Variants in SUPT6H observed in about 807,000 individuals in gnomAD.
The protein encoded by SUPT6H is SPT6 homolog, histone chaperone and transcription elongation factor.
Under a neutral mutation model 222.3 loss-of-function variants are expected in SUPT6H, and 11 were observed. The ratio of observed to expected loss-of-function variants is 0.05; its 90% CI spans 0.03 to 0.08. The LOEUF is 0.08. Among genes scored for constraint, SUPT6H ranks in the 10% least tolerant of loss-of-function variants. SUPT6H has a pLI of 1.00. For synonymous variants in SUPT6H, 762 were observed against 801.2 expected (o/e 0.95, Z 0.83); for missense variants, 1,422 against 2,216.0 (o/e 0.64, Z 7.19).
chr17:28,687,088 G>C lies in SUPT6H; in HGVS notation c.2701G>C (p.Ala901Pro). 1.9e-6 allele frequency: 3 copies of C among 1,613,000 alleles called. No individual in the cohort carries two copies. Among genetic ancestry groups the C allele is most frequent in the Non-Finnish European group, 2.5e-6 (3 of 1,179,978 alleles). ...CCTGCTGACCCTCGTTTGACTCTAG[G>C]CAGAGTTCCGGGATTATCCTCCAGT... is the stretch of plus-strand genomic sequence containing the variant. ...ILYMNSKKSE[A>P]EFRDYPPVLR... Residue 901 changes from alanine (A) to proline (P), a missense_variant and splice_region_variant, in exon 22 of 37, where the codon GCA becomes CCA. Ala to Pro is a conservative substitution (Grantham distance 27). This residue lies in a region of SUPT6H where 294 missense variants were observed against 382.1 expected (regional missense o/e 0.77). Coordinates refer to ENST00000314616, the MANE Select transcript of SUPT6H (RefSeq NM_003170.5).
At chr17:28,679,993 A>G (rs1287346026) in intron 11 of SUPT6H, among the ~76,000 whole-genome samples, 1 of 87,764 alleles carries the variant, frequency 1.1e-5, no homozygotes, top group Admixed American at 1.3e-4. Context: ...TCCATCTCAA[A>G]AAAAAAAAAA....
Position 28,688,080 on chromosome 17 carries a change from C to T in SUPT6H, c.3007-11C>T, listed in dbSNP as rs563016473. ...CTTACTGCCCTGGCTCAGTCCAGCT[C>T]TCTCCCCCAGATCCTGAAGCAGAAC... On this transcript the variant is annotated splice_polypyrimidine_tract_variant and intron_variant, in intron 23 of 36. Transcript: ENST00000314616. The surrounding 1 kb of genome is among the most constrained non-coding windows in gnomAD (Gnocchi z 4.3). 5.6e-6 allele frequency: 9 copies of T among 1,607,144 alleles called. No individual in the cohort carries two copies. The African/African-American group carries it at 9.4e-5, about 17-fold the overall frequency.
chr17:28,675,131 A>AGAG lies in SUPT6H; in HGVS notation c.516_518dup (p.Glu174dup). 1.2e-6 allele frequency: 2 copies of AGAG among 1,612,292 alleles called. No individual in the cohort carries two copies. Among genetic ancestry groups the AGAG allele is most frequent in the Non-Finnish European group, 1.7e-6 (2 of 1,179,558 alleles). ...CCATGGAGGCCCCCATGGCTCCTCCAGAGGAGGAGGAAGAAGATGATGAGG... is the reference window on the plus strand; with the variant it reads ...CCATGGAGGCCCCCATGGCTCCTCCAGAGGAGGAGGAGGAAGAAGATGATGAGG... On this transcript the variant is annotated inframe_insertion, in exon 5 of 37. Transcript: ENST00000314616.
chr17:28,678,941 C>G lies in SUPT6H; in HGVS notation c.1327C>G (p.Leu443Val). 2 of 1,614,196 alleles carry G rather than the reference C, an allele frequency of 1.2e-6. No homozygotes were observed. Among genetic ancestry groups the G allele is most frequent in the Non-Finnish European group, 1.7e-6 (2 of 1,180,048 alleles). The change falls in exon 11 of 37, where the codon CTG (leucine) becomes GTG (valine). Residue 443 changes from leucine (L) to valine (V), a missense_variant. Physicochemically the swap from Leu to Val is conservative, Grantham distance 32. Transcript: ENST00000314616. ...DKPLADGIRA[L>V]DTTDMERLKD... Reference sequence around the variant, plus strand: ...ACCTCTTGCTGATGGCATCCGGGCTCTGGACACCACTGACATGGAGAGGTA... The same window carrying G: ...ACCTCTTGCTGATGGCATCCGGGCTGTGGACACCACTGACATGGAGAGGTA...
chr17:28,692,059 C>T (rs542687644), intron 27 of SUPT6H, among the ~76,000 whole-genome samples: 1 of 151,812 alleles, frequency 6.6e-6, no homozygotes, highest in East Asian at 2.0e-4. Context: ...CGCGGTGGCT[C>T]ACTCCTGTAA....
chr17:28,695,311 T>A, intron 28 of SUPT6H, 41 bp from the exon 29 acceptor site: 7 of 1,588,516 alleles, frequency 4.4e-6, no homozygotes, highest in Non-Finnish European at 6.0e-6. Flanking sequence ...TCGGGCTAGA[T>A]CATCTTTGTC....
At chr17:28,687,004 A>T in intron 21 of SUPT6H, 84 bp from the exon 22 acceptor site, 1 of 1,555,536 alleles carries the variant, frequency 6.4e-7, no homozygotes, top group Non-Finnish European at 8.7e-7. Flanking sequence ...AGAGAAAATG[A>T]TTTAAACCAG....
chr17:28,690,317 G>C (rs1031914627), intron 26 of SUPT6H, 88 bp downstream of exon 26: 26 of 1,526,212 alleles, frequency 1.7e-5, no homozygotes, highest in Non-Finnish European at 2.3e-5. Flanking sequence ...ACAGATTGAG[G>C]CAGGTTTGTG....
chr17:28,676,386 C>G lies in SUPT6H; in HGVS notation c.853C>G (p.Gln285Glu), dbSNP rs1567689270. Residue 285 changes from glutamine to glutamate, a missense_variant, in exon 7 of 37, where the codon CAG (glutamine) becomes GAG (glutamate). Physicochemically the swap from Gln to Glu is conservative, Grantham distance 29 (BLOSUM62 2). Coordinates refer to ENST00000314616, the MANE Select transcript of SUPT6H (RefSeq NM_003170.5). The stretch of plus-strand genomic sequence containing the variant: ...GCTAGAAAGCAGCCACCTCACAGAT[C>G]AGGACAATGAAATCCGAGCCACTGA... ...SELESSHLTD[Q>E]DNEIRATDLP... The G allele has an allele frequency of 1.9e-6, 3 of 1,613,824 alleles. No homozygotes were observed. Among genetic ancestry groups the G allele is most frequent in the South Asian group, 1.1e-5 (1 of 91,050 alleles).
chr17:28,680,362 C>T (rs2031030365), intron 11 of SUPT6H, among the ~76,000 whole-genome samples: 1 of 151,480 alleles, frequency 6.6e-6, no homozygotes, highest in Non-Finnish European at 1.5e-5. Flanking sequence ...CTTTGGGAGG[C>T]TGAGGTGGGC....
In SUPT6H at chr17:28,696,880, A is replaced by T; in HGVS notation, c.4007A>T (p.His1336Leu). Residue 1336 changes from histidine (H) to leucine (L), a missense_variant, in exon 30 of 37, where the codon CAT becomes CTT. By Grantham distance (99) the His-to-Leu change is moderately conservative. Transcript: ENST00000314616. ...IKRVIAHPSFHNINFKQAEKM... is the reference protein window; with the variant it reads ...IKRVIAHPSFLNINFKQAEKM... ...AGAGTGATCGCACACCCATCCTTCCATAATATCAATTTCAAGCAAGCAGAA... is the reference window on the plus strand; with the variant it reads ...AGAGTGATCGCACACCCATCCTTCCTTAATATCAATTTCAAGCAAGCAGAA... The T allele has an allele frequency of 6.2e-7, 1 of 1,613,978 alleles. No homozygotes were observed. Among genetic ancestry groups the T allele is most frequent in the Non-Finnish European group, 8.5e-7 (1 of 1,180,012 alleles).
chr17:28,675,129 C>T lies in SUPT6H; in HGVS notation c.505C>T (p.Pro169Ser). The T allele has an allele frequency of 1.5e-5, 24 of 1,612,180 alleles. No homozygotes were observed. Among genetic ancestry groups the T allele is most frequent in the Non-Finnish European group, 1.9e-5 (23 of 1,179,526 alleles). ...QEAMEAPMAP[P>S]EEEEEDDEES... ...GGCCATGGAGGCCCCCATGGCTCCT[C>T]CAGAGGAGGAGGAAGAAGATGATGA... Residue 169 changes from proline to serine, a missense_variant, in exon 5 of 37, where the codon CCA becomes TCA. Pro to Ser is a moderately conservative substitution (Grantham distance 74). Around this residue, in one of 13 missense-constraint regions of SUPT6H, gnomAD observed 389 missense variants for 544.6 expected, o/e 0.71. Transcript: ENST00000314616.
At chr17:28,685,026 A>T (rs2031312452) in intron 19 of SUPT6H, 65 bp downstream of exon 19, 1 of 1,468,412 alleles carries the variant, frequency 6.8e-7, no homozygotes, top group Non-Finnish European at 9.4e-7. Flanking sequence ...CAGTGGAGAT[A>T]AGTGTTTACG....
At position 28,702,357 on chromosome 17, in the gene SUPT6H, A is replaced by C. The variant is rs1597725980; in HGVS notation, c.*732A>C. ...ATCCATCAGAGGCAAAGATTCATAG[A>C]CTAGAGGCAGCTTCTACATCAGACT... On this transcript the variant is annotated 3_prime_UTR_variant, in exon 37 of 37. Transcript: ENST00000314616. 1 of 152,656 alleles carries C rather than the reference A, an allele frequency of 6.6e-6. No homozygotes were observed. The highest frequency in any genetic ancestry group is 1.9e-4 in the East Asian group (1 of 5,152). 9.5% of individuals were successfully genotyped at this position (152,656 alleles called of 1,614,324 possible).
chr17:28,688,435 G>A lies in SUPT6H; in HGVS notation c.3134+217G>A. On this transcript the variant is annotated intron_variant, in intron 24 of 36. Coordinates refer to ENST00000314616, the MANE Select transcript of SUPT6H (RefSeq NM_003170.5). This position sits in a 1 kb window ranked among gnomAD's most constrained non-coding sequence, Gnocchi z 4.3. ...TTTTCGTGTGAGAGAAACATAAAAA[G>A]TACCAGCTTAGCTTATAAATTAAGC... 1 of 407,068 alleles carries A rather than the reference G, an allele frequency of 2.5e-6. No homozygotes were observed. Among genetic ancestry groups the A allele is most frequent in the East Asian group, 4.4e-5 (1 of 22,584 alleles). The allele number at this position is 407,068 out of a possible 1,614,324, so 25.2% of individuals were successfully genotyped here.
intron 11 of SUPT6H, 135 bp downstream of exon 11, chr17:28,679,098 A>G (rs1017081773): frequency 2.6e-6 from 3 of 1,172,154 alleles, no homozygotes; most frequent in Non-Finnish European, 2.4e-6. Flanking sequence ...TCAACCAGGC[A>G]CAGTGGCTCA....
rs2032175296 is a variant in SUPT6H at position 28,702,589 on chromosome 17, T to C, written c.*964T>C. The C allele has an allele frequency of 6.6e-6, 1 of 152,502 alleles. No homozygotes were observed. Among genetic ancestry groups the C allele is most frequent in the Non-Finnish European group, 1.5e-5 (1 of 68,092 alleles). 9.4% of individuals were successfully genotyped at this position (152,502 alleles called of 1,614,324 possible). On this transcript the variant is annotated 3_prime_UTR_variant, in exon 37 of 37. Transcript: ENST00000314616. ...ACCCGGTATTATTACACCCACTCAC[T>C]CACCCACAGCACAGCTGCCCCATCC...
Position 28,686,365 on chromosome 17 carries a change from A to G in SUPT6H, c.2514A>G (p.Lys838=), listed in dbSNP as rs778138297. The G allele has an allele frequency of 1.2e-6, 2 of 1,614,228 alleles. No individual in the cohort carries two copies. The highest frequency in any genetic ancestry group is 1.7e-6 in the Non-Finnish European group (2 of 1,180,026). Residue 838 remains lysine (K), a synonymous_variant, in exon 20 of 37, where the codon AAA becomes AAG. Transcript: ENST00000314616. ...CTCAAGACATTGAAACGCTAAAGAAATTTCTCCTGAATAAGAAGCCTCATG... is the reference window on the plus strand; with the variant it reads ...CTCAAGACATTGAAACGCTAAAGAAGTTTCTCCTGAATAAGAAGCCTCATG... The part of the protein sequence containing the change: ...KKAQDIETLK[K]FLLNKKPHVV...
intron 35 of SUPT6H, 78 bp from the exon 36 acceptor site, chr17:28,700,863 C>T (rs1405328093): frequency 3.8e-5 from 57 of 1,512,098 alleles, no homozygotes; most frequent in Non-Finnish European, 4.9e-5. Flanking sequence ...TGAGCCCACC[C>T]TTGCGCTTAC....
Sources: gnomAD v4.1 joint callset for allele counts (sites outside exome capture counted in the v4.1 genomes callset) on GRCh38, gnomAD v4.1.1 for gene constraint, gnomAD v4.1.1 regional missense constraint, Gnocchi (gnomAD v3.1) non-coding constraint, MANE v1.5 for transcripts, NCBI Gene and HGNC (gene_info 2026-07-23, HGNC 2026-07-21) for gene names.